PDE1A: variants seen among roughly 807,000 people sequenced by gnomAD.
PDE1A encodes the protein dual specificity calcium/calmodulin-dependent 3',5'-cyclic nucleotide phosphodiesterase 1A.
PDE1A carries 35 observed loss-of-function variants against 61.7 expected under a neutral mutation model. The ratio of observed to expected loss-of-function variants is 0.57; its 90% confidence interval spans 0.43 to 0.75. The LOEUF (loss-of-function observed/expected upper bound fraction) is 0.75. PDE1A is among the 30% of genes least tolerant of loss of function. The probability of loss-of-function intolerance (pLI) is 0.00; values close to 1 mark genes in which losing one functional copy is unlikely to be tolerated. For synonymous variants in PDE1A, 232 were observed against 213.2 expected, an observed-to-expected ratio of 1.09 and a Z score of -0.77; for missense variants, 597 against 630.6, an observed-to-expected ratio of 0.95 and a Z score of 0.57.
the PDE1A span, among the ~76,000 whole-genome samples, chr2:182,599,032 A>C: frequency 6.6e-6 from 1 of 152,206 alleles, no homozygotes; most frequent in South Asian, 2.1e-4. Context: ...TTCATGCTCC[A>C]TGGAGCCAGT....
At chr2:182,652,808 C>T in the PDE1A span, among the ~76,000 whole-genome samples, 14 of 152,214 alleles carry the variant, frequency 9.2e-5, no homozygotes, top group Non-Finnish European at 1.8e-4. Flanking sequence ...TGTAATTTCT[C>T]TCTCCCTTTT....
At chr2:182,427,958 A>G (rs1257500282), upstream of PDE1A, among the ~76,000 whole-genome samples, 5 of 152,188 alleles carry the variant, frequency 3.3e-5, no homozygotes, top group East Asian at 9.6e-4. Flanking sequence ...TAAAGATCAA[A>G]TGTCACAAAG....
At chr2:182,222,284 CA>C (rs1688793519) in intron 7 of PDE1A, among the ~76,000 whole-genome samples, 2 of 151,930 alleles carry the variant, frequency 1.3e-5, no homozygotes, top group Admixed American at 1.3e-4. Flanking sequence ...TGAAATAACC[CA>C]GTCTGAAAGA....
intron 1 of PDE1A, among the ~76,000 whole-genome samples, chr2:182,381,722 G>A (rs561748316): frequency 1.3e-5 from 2 of 152,122 alleles, no homozygotes; most frequent in Admixed American, 1.3e-4. Context: ...TGAGGCGGGA[G>A]AATCGCTTGA....
the PDE1A span, among the ~76,000 whole-genome samples, chr2:182,689,993 C>A: frequency 7.9e-5 from 12 of 152,118 alleles, no homozygotes; most frequent in Non-Finnish European, 1.2e-4. Flanking sequence ...GAAGTAGAAT[C>A]TCGTAATAGA....
chr2:182,698,346 T>C, the PDE1A span, among the ~76,000 whole-genome samples: 1 of 151,440 alleles, frequency 6.6e-6, no homozygotes, highest in Non-Finnish European at 1.5e-5. Context: ...TATCTTAAGG[T>C]AAGAAATCTG....
chr2:182,705,214 C>T, the PDE1A span, among the ~76,000 whole-genome samples: 2 of 152,266 alleles, frequency 1.3e-5, no homozygotes, highest in East Asian at 3.9e-4. Context: ...TCTCCCTTTT[C>T]TTTCCCAGTA....
chr2:182,410,765 T>C (rs1166367449), intron 1 of PDE1A, among the ~76,000 whole-genome samples: 4 of 152,232 alleles, frequency 2.6e-5, no homozygotes, highest in Non-Finnish European at 5.9e-5. Context: ...TTAATTGTTC[T>C]TCACAGTTGT....
chr2:182,295,960 T>C (rs1013689591), intron 1 of PDE1A, among the ~76,000 whole-genome samples: 1 of 152,128 alleles, frequency 6.6e-6, no homozygotes, highest in African/African-American at 2.4e-5. Flanking sequence ...ATACTAGAAA[T>C]TTACTCGTTA....
At chr2:182,641,849 T>C in the PDE1A span, among the ~76,000 whole-genome samples, 1 of 152,210 alleles carries the variant, frequency 6.6e-6, no homozygotes, top group Non-Finnish European at 1.5e-5. Context: ...AAACAATACA[T>C]GTCTTCACAG....
At chr2:182,683,223 C>T in the PDE1A span, among the ~76,000 whole-genome samples, 4 of 151,662 alleles carry the variant, frequency 2.6e-5, no homozygotes, top group Non-Finnish European at 5.9e-5. Flanking sequence ...TCCTGAGTAG[C>T]TGGGATTACA....
chr2:182,188,763 C>A (rs975953353), intron 11 of PDE1A, among the ~76,000 whole-genome samples: 2 of 152,128 alleles, frequency 1.3e-5, no homozygotes, highest in Non-Finnish European at 2.9e-5. Context: ...ACCACGATAA[C>A]AATTACATTT....
chr2:182,201,751 G>A, exon 9 of PDE1A: 1 of 1,612,272 alleles, frequency 6.2e-7, no homozygotes, highest in Non-Finnish European at 8.5e-7. Flanking sequence ...TGACATGTCT[G>A]TAGATAAAAC....
the PDE1A span, among the ~76,000 whole-genome samples, chr2:182,685,005 C>A: frequency 1.4e-4 from 21 of 151,440 alleles, no homozygotes; most frequent in Admixed American, 1.3e-4. Flanking sequence ...AAGTGCCTTG[C>A]ATGATGCAAG....
the PDE1A span, among the ~76,000 whole-genome samples, chr2:182,651,300 C>G: frequency 6.6e-6 from 1 of 152,176 alleles, no homozygotes; most frequent in Non-Finnish European, 1.5e-5. Flanking sequence ...AGCCACCACA[C>G]CTGGCCTTGT....
chr2:182,575,746 T>C, the PDE1A span, among the ~76,000 whole-genome samples: 18 of 146,128 alleles, frequency 1.2e-4, no homozygotes, highest in Non-Finnish European at 2.4e-4. Context: ...AACTTAATAC[T>C]ACATATAGTA....
intron 2 of PDE1A, among the ~76,000 whole-genome samples, chr2:182,517,670 G>A (rs1486843473): frequency 6.6e-6 from 1 of 152,168 alleles, no homozygotes; most frequent in Non-Finnish European, 1.5e-5. Flanking sequence ...GGAAGGTCAG[G>A]AAGAATTTCC....
chr2:182,218,434 A>G (rs1574753854), intron 7 of PDE1A, among the ~76,000 whole-genome samples: 2 of 145,640 alleles, frequency 1.4e-5, no homozygotes, highest in African/African-American at 5.0e-5. Flanking sequence ...AATTAAAAAA[A>G]CAAGAAAAAA....
chr2:182,323,447 G>A (rs1217493377), intron 1 of PDE1A, among the ~76,000 whole-genome samples: 2 of 152,154 alleles, frequency 1.3e-5, no homozygotes, highest in Non-Finnish European at 2.9e-5. Context: ...TTCTCTAAGA[G>A]GGAAGAGAGA....
Sources: allele counts gnomAD v4.1 joint callset (sites outside exome capture counted in the v4.1 genomes callset), GRCh38; gene constraint gnomAD v4.1.1; transcripts MANE v1.5; gene names NCBI Gene and HGNC (gene_info 2026-07-23, HGNC 2026-07-21).